The following SYCP1 variants were observed in gnomAD, a reference collection of about 807,000 sequenced individuals.
SYCP1 encodes the protein cancer/testis antigen 8.
SYCP1 carries 64 observed loss-of-function variants against 153.1 expected under a neutral mutation model. That is an observed-to-expected ratio of 0.42 (90% CI 0.34 to 0.51). The LOEUF (loss-of-function observed/expected upper bound fraction) is 0.51. Among genes scored for constraint, SYCP1 ranks in the 20% least tolerant of loss-of-function variants. The probability of loss-of-function intolerance (pLI) is 0.06; values close to 1 mark genes in which losing one functional copy is unlikely to be tolerated. For synonymous variants in SYCP1, 384 were observed against 341.8 expected (o/e 1.12, Z -1.36); for missense variants, 997 against 1,049.0 (o/e 0.95, Z 0.68).
At chr1:114,981,641 G>T in intron 29 of SYCP1, 129 bp downstream of exon 29, 1 of 840,206 alleles carries the variant, frequency 1.2e-6, no homozygotes, top group Non-Finnish European at 1.8e-6. Flanking sequence ...TTTTTTTTGT[G>T]GTATCAGCAT....
upstream of SYCP1, among the ~76,000 whole-genome samples, chr1:114,854,544 C>T (rs1663806312): frequency 6.6e-6 from 1 of 152,244 alleles, no homozygotes; most frequent in South Asian, 2.1e-4. Context: ...ACTTTGCCTA[C>T]GTCCTTATCA....
At chr1:114,862,578 GACC>G (rs1447803614) in intron 8 of SYCP1, among the ~76,000 whole-genome samples, 1 of 151,904 alleles carries the variant, frequency 6.6e-6, no homozygotes, top group African/African-American at 2.4e-5. Flanking sequence ...TCGATCTCTT[GACC>G]ACCTGCCTCG....
At chr1:114,930,452 TGCAGGCA>T (rs1557809797) in intron 23 of SYCP1, among the ~76,000 whole-genome samples, 12 of 152,032 alleles carry the variant, frequency 7.9e-5, no homozygotes, top group Non-Finnish European at 1.6e-4. Flanking sequence ...TAAAATTCAC[TGCAGGCA>T]AGAATGAAAG....
chr1:114,888,752 C>T (rs999572211), intron 15 of SYCP1, among the ~76,000 whole-genome samples: 1 of 151,862 alleles, frequency 6.6e-6, no homozygotes, highest in Non-Finnish European at 1.5e-5. Context: ...ATGTGCACAA[C>T]GTGTAGGTTT....
intron 20 of SYCP1, among the ~76,000 whole-genome samples, chr1:114,914,273 C>G (rs1346456055): frequency 6.6e-6 from 1 of 151,728 alleles, no homozygotes; most frequent in Non-Finnish European, 1.5e-5. Context: ...TTTAAAGCAT[C>G]ATAAACCTTC....
chr1:114,930,560 T>C (rs1014681607), intron 23 of SYCP1, among the ~76,000 whole-genome samples: 1 of 151,916 alleles, frequency 6.6e-6, no homozygotes, highest in African/African-American at 2.4e-5. Flanking sequence ...ATTTGAAATG[T>C]AGATAAAATG....
At chr1:114,917,074 A>G (rs181230576) in intron 20 of SYCP1, among the ~76,000 whole-genome samples, 1 of 152,056 alleles carries the variant, frequency 6.6e-6, no homozygotes, top group Admixed American at 6.6e-5. Context: ...TTGTTGTGCT[A>G]TTAAATACTA....
chr1:114,930,944 G>T (rs1319741918), intron 23 of SYCP1, among the ~76,000 whole-genome samples: 1 of 151,742 alleles, frequency 6.6e-6, no homozygotes, highest in Non-Finnish European at 1.5e-5. Context: ...TCAGGAATGG[G>T]ATTTATCAGA....
At chr1:114,875,285 C>G (rs1237517858) in intron 9 of SYCP1, among the ~76,000 whole-genome samples, 2 of 128,372 alleles carry the variant, frequency 1.6e-5, no homozygotes, top group Non-Finnish European at 1.6e-5. Context: ...TTTTTTGAGA[C>G]AGTCTGGCTC....
At chr1:114,869,101 C>T (rs1664946883) in intron 8 of SYCP1, among the ~76,000 whole-genome samples, 1 of 152,114 alleles carries the variant, frequency 6.6e-6, no homozygotes, top group Non-Finnish European at 1.5e-5. Flanking sequence ...ATTTGCTCTT[C>T]TCTTTCTAGT....
At chr1:114,877,519 T>A (rs900968266) in intron 11 of SYCP1, among the ~76,000 whole-genome samples, 1 of 152,200 alleles carries the variant, frequency 6.6e-6, no homozygotes, top group Admixed American at 6.5e-5. Flanking sequence ...ATTTAAAAAA[T>A]TAATTCACAG....
At chr1:114,965,856 C>G (rs1194710969) in intron 27 of SYCP1, among the ~76,000 whole-genome samples, 2 of 152,116 alleles carry the variant, frequency 1.3e-5, no homozygotes, top group Admixed American at 6.5e-5. Context: ...TGATGCTGGC[C>G]TCATAAACTG....
intron 2 of SYCP1, among the ~76,000 whole-genome samples, 160 bp from the exon 3 acceptor site, chr1:114,856,413 A>G (rs1195547180): frequency 6.6e-6 from 1 of 152,236 alleles, no homozygotes; most frequent in East Asian, 1.9e-4. Context: ...TTGTTTATAT[A>G]GAAAAGGCAT....
intron 27 of SYCP1, among the ~76,000 whole-genome samples, chr1:114,951,349 A>T (rs980358006): frequency 6.6e-6 from 1 of 152,216 alleles, no homozygotes. Context: ...ATACCTTTGA[A>T]AAAAATGCCA....
intron 8 of SYCP1, among the ~76,000 whole-genome samples, chr1:114,861,744 A>G (rs1173712251): frequency 6.7e-6 from 1 of 149,876 alleles, no homozygotes; most frequent in Non-Finnish European, 1.5e-5. Flanking sequence ...AATGTTGGGT[A>G]TTTTATTATT....
rs61091884 is a variant in SYCP1, at chr1:114,913,058, C to T, written c.1555C>T (p.His519Tyr). The change falls in exon 19 of 32, where the codon CAC (histidine) becomes TAC (tyrosine). Residue 519 changes from histidine (H) to tyrosine (Y), a missense_variant. By Grantham distance (83) the His-to-Tyr change is moderately conservative. Transcript: ENST00000369522. ...EKLKNTELTS[H>Y]CNKLSLENKE... ...GCTTAAGAATACTGAATTAACTTCACACTGCAACAAGCTTTCACTAGAAAA... is the reference window on the plus strand; with the variant it reads ...GCTTAAGAATACTGAATTAACTTCATACTGCAACAAGCTTTCACTAGAAAA... The T allele has an allele frequency of 8.1e-6, 13 of 1,610,950 alleles. No homozygotes were observed. Among genetic ancestry groups the T allele is most frequent in the Non-Finnish European group, 1.0e-5 (12 of 1,178,440 alleles).
intron 8 of SYCP1, among the ~76,000 whole-genome samples, chr1:114,872,267 G>C (rs980842645): frequency 6.6e-6 from 1 of 151,994 alleles, no homozygotes; most frequent in Non-Finnish European, 1.5e-5. Flanking sequence ...GTCAACTTTT[G>C]TCAAAGAAAG....
At chr1:114,951,775 A>G (rs1030822802) in intron 27 of SYCP1, among the ~76,000 whole-genome samples, 8 of 152,134 alleles carry the variant, frequency 5.3e-5, no homozygotes, top group African/African-American at 1.9e-4. Context: ...AAGATTCCTC[A>G]TATTGCCCTT....
intron 27 of SYCP1, among the ~76,000 whole-genome samples, chr1:114,961,080 G>T (rs1206531913): frequency 1.3e-5 from 2 of 152,136 alleles, no homozygotes; most frequent in Non-Finnish European, 2.9e-5. Flanking sequence ...TTTAATCTAG[G>T]AGGGTTGTAT....
Sources: allele counts gnomAD v4.1 joint callset (sites outside exome capture counted in the v4.1 genomes callset), GRCh38; gene constraint gnomAD v4.1.1; transcripts MANE v1.5; gene names NCBI Gene and HGNC (gene_info 2026-07-23, HGNC 2026-07-21).